ADCK1: variants seen among roughly 807,000 people sequenced by gnomAD.
The protein encoded by ADCK1 is aarF domain containing kinase 1.
ADCK1 carries 41 observed loss-of-function variants against 52.3 expected under a neutral mutation model. That is an observed-to-expected ratio of 0.78 (90% CI 0.61 to 1.02). The LOEUF (loss-of-function observed/expected upper bound fraction) is 1.02. ADCK1 is among the 50% of genes least tolerant of loss of function. The pLI, the probability that ADCK1 is intolerant of heterozygous loss-of-function variation, is 0.00. For synonymous variants in ADCK1, 250 were observed against 274.6 expected (o/e 0.91, Z 0.89); for missense variants, 658 against 679.5 (o/e 0.97, Z 0.35).
chr14:77,914,493 C>T, intron 7 of ADCK1: 1 of 985,420 alleles, frequency 1.0e-6, no homozygotes, highest in South Asian at 4.7e-5. Flanking sequence ...GAGCAGCTAC[C>T]ATGTGCAAGC....
At chr14:77,852,673 A>ATATATATATATATATATAT (rs2082317794) in intron 3 of ADCK1, among the ~76,000 whole-genome samples, 2 of 18,132 alleles carry the variant, frequency 1.1e-4, no homozygotes, top group South Asian at 1.5e-3. Flanking sequence ...ATATATATAT[A>ATATATATATATATATATAT]TATATATATA....
intron 5 of ADCK1, among the ~76,000 whole-genome samples, chr14:77,894,736 G>T (rs12890308): frequency 2.5e-3 from 90 of 36,414 alleles, no homozygotes; most frequent in East Asian, 8.4e-3. Context: ...TTCTTTTCTT[G>T]TTTTTTTTTT....
At chr14:77,866,587 A>G (rs917187139) in intron 4 of ADCK1, among the ~76,000 whole-genome samples, 4 of 152,140 alleles carry the variant, frequency 2.6e-5, no homozygotes, top group Admixed American at 2.0e-4. Flanking sequence ...GGGACTCTGA[A>G]GTATGTGCTC....
intron 3 of ADCK1, among the ~76,000 whole-genome samples, chr14:77,838,678 G>A (rs991689841): frequency 1.3e-4 from 20 of 152,168 alleles, no homozygotes; most frequent in Admixed American, 5.9e-4. Context: ...GATTACACTC[G>A]TGAGCCACTG....
intron 7 of ADCK1, among the ~76,000 whole-genome samples, chr14:77,913,936 G>C (rs897201584): frequency 2.6e-5 from 4 of 152,188 alleles, no homozygotes; most frequent in African/African-American, 9.7e-5. Context: ...TGGTGCTGCT[G>C]GTGTGTGGTG....
At chr14:77,807,951 A>G (rs1233812703) in intron 1 of ADCK1, among the ~76,000 whole-genome samples, 2 of 152,112 alleles carry the variant, frequency 1.3e-5, no homozygotes, top group African/African-American at 2.4e-5. Flanking sequence ...CCTGAGAGTC[A>G]CTCTCTAAGA....
chr14:77,857,595 C>G lies in ADCK1; in HGVS notation c.220-1481C>G, dbSNP rs144293844. Among the ~76,000 whole-genome samples the G allele has an allele frequency of 7.1e-3, 1,087 of 152,226 alleles. 12 individuals are homozygous for G. Among genetic ancestry groups the G allele is most frequent in the African/African-American group, 0.025 (1,051 of 41,534 alleles). On this transcript the variant is annotated intron_variant, in intron 3 of 10. Transcript: ENST00000238561. ...CTCTACTTCCAATATCACATGTTCTCTCTTACATGTGGGAGCTAAAACAAA... is the reference window on the plus strand; with the variant it reads ...CTCTACTTCCAATATCACATGTTCTGTCTTACATGTGGGAGCTAAAACAAA...
intron 4 of ADCK1, among the ~76,000 whole-genome samples, chr14:77,876,126 A>G (rs2082893645): frequency 6.6e-6 from 1 of 152,212 alleles, no homozygotes; most frequent in South Asian, 2.1e-4. Context: ...CACATTTATT[A>G]TCTTATCCTG....
intron 1 of ADCK1, among the ~76,000 whole-genome samples, chr14:77,802,346 C>T (rs59200674): frequency 0.19 from 29,275 of 151,932 alleles, 2,933 homozygotes; most frequent in Non-Finnish European, 0.23. Flanking sequence ...CCTATTCTCC[C>T]TCAGTCTGCC....
chr14:77,874,685 G>GT (rs3837642), intron 4 of ADCK1, among the ~76,000 whole-genome samples: 55,615 of 152,036 alleles, frequency 0.37, 11,288 homozygotes, highest in Admixed American at 0.5. Flanking sequence ...GACTTTGCAG[G>GT]TATTTAGTGC....
intron 7 of ADCK1, 197 bp from the exon 8 acceptor site, chr14:77,924,260 C>G: frequency 1.5e-6 from 1 of 658,100 alleles, no homozygotes; most frequent in Non-Finnish European, 2.5e-6. Context: ...TTTCATGATT[C>G]TAAGGTGCAG....
intron 9 of ADCK1, among the ~76,000 whole-genome samples, chr14:77,929,810 G>A (rs2084284636): frequency 6.6e-6 from 1 of 152,316 alleles, no homozygotes; most frequent in East Asian, 1.9e-4. Context: ...GGGACTACAG[G>A]TGTATGCCAC....
rs181173518 is a variant in ADCK1, at chr14:77,801,865, C to T, written c.-12+1695C>T. The stretch of plus-strand genomic sequence containing the variant: ...GCTGAGGAGGAGAACAGCTTGAACC[C>T]GGGAGACGGAGGCTGCAGTGAGCCG... On this transcript the variant is annotated intron_variant, in intron 1 of 10. Transcript: ENST00000238561. 3.1e-4 allele frequency among the ~76,000 whole-genome samples: 47 copies of T among 152,156 alleles called. 1 individual carries two copies. In the South Asian group the frequency reaches 5.6e-3, roughly 18 times the overall value.
chr14:77,817,990 G>A (rs1196962433), intron 1 of ADCK1, among the ~76,000 whole-genome samples: 3 of 151,444 alleles, frequency 2.0e-5, no homozygotes, highest in South Asian at 2.1e-4. Context: ...TGCCCGCCTT[G>A]GCCTCCCAAA....
intron 3 of ADCK1, among the ~76,000 whole-genome samples, chr14:77,836,826 T>C (rs1257077594): frequency 7.0e-6 from 1 of 143,762 alleles, no homozygotes; most frequent in Non-Finnish European, 1.5e-5. Flanking sequence ...TAGACTGAAG[T>C]GCAATGGTGC....
chr14:77,815,892 T>C (rs1212799387), intron 1 of ADCK1, among the ~76,000 whole-genome samples: 4 of 147,796 alleles, frequency 2.7e-5, no homozygotes, highest in African/African-American at 7.5e-5. Flanking sequence ...CTCAGCTCAC[T>C]GCGACCTCCA....
chr14:77,807,172 C>T (rs890624110), intron 1 of ADCK1, among the ~76,000 whole-genome samples: 1 of 150,094 alleles, frequency 6.7e-6, no homozygotes, highest in Non-Finnish European at 1.5e-5. Flanking sequence ...GGGTCCACGC[C>T]ATTCTCCTGC....
chr14:77,892,793 G>A (rs1299916322), intron 5 of ADCK1, among the ~76,000 whole-genome samples: 1 of 152,168 alleles, frequency 6.6e-6, no homozygotes, highest in East Asian at 1.9e-4. Context: ...TGCTATCCTT[G>A]AAGGACATGA....
In ADCK1 at chr14:77,923,027, C is replaced by T. The variant is rs991352302; in HGVS notation, c.859-1430C>T. Among the ~76,000 whole-genome samples the T allele has an allele frequency of 1.3e-5, 2 of 152,160 alleles. No homozygotes were observed. Among genetic ancestry groups the T allele is most frequent in the African/African-American group, 2.4e-5 (1 of 41,446 alleles). On this transcript the variant is annotated intron_variant, in intron 7 of 10. Coordinates refer to ENST00000238561, the MANE Select transcript of ADCK1 (RefSeq NM_020421.4). The surrounding 1 kb of genome is among the most constrained non-coding windows in gnomAD (Gnocchi z 4.3). ...ACAAGCAAGTGGATACATAATAGAG[C>T]CAGTCTGTGGTCCATAAATTATACC...
Sources: gnomAD v4.1 joint callset for allele counts (sites outside exome capture counted in the v4.1 genomes callset) on GRCh38, gnomAD v4.1.1 for gene constraint, Gnocchi (gnomAD v3.1) non-coding constraint, MANE v1.5 for transcripts, NCBI Gene and HGNC (gene_info 2026-07-23, HGNC 2026-07-21) for gene names.